Variants in SGCG observed in about 807,000 individuals in gnomAD.
SGCG encodes gamma-sarcoglycan.
A neutral mutation model predicts 29.3 loss-of-function variants in SGCG; 26 were observed. The observed-to-expected ratio is 0.89, with a 90% CI of 0.65 to 1.23. The LOEUF is 1.23. SGCG is among the 50% of genes most tolerant of loss of function. The pLI is 0.00. For synonymous variants in SGCG, 145 were observed against 129.7 expected (o/e 1.12, Z -0.80); for missense variants, 353 against 356.0 (o/e 0.99, Z 0.07).
chr13:23,322,587 C>T (rs1883076153), intron 7 of SGCG, among the ~76,000 whole-genome samples: 1 of 152,154 alleles, frequency 6.6e-6, no homozygotes, highest in Non-Finnish European at 1.5e-5. Context: ...TAGAGTCATT[C>T]TCAGGGATTG....
intron 1 of SGCG, among the ~76,000 whole-genome samples, chr13:23,199,115 A>G (rs1302587347): frequency 6.6e-6 from 1 of 152,108 alleles, no homozygotes; most frequent in East Asian, 1.9e-4. Context: ...CTCAAAAAAA[A>G]AAAAAAATTA....
intron 4 of SGCG, among the ~76,000 whole-genome samples, chr13:23,276,570 C>T (rs2137612590): frequency 6.6e-6 from 1 of 151,828 alleles, no homozygotes; most frequent in East Asian, 1.9e-4. Flanking sequence ...GTAGCTGGGA[C>T]TACAGGCGCA....
upstream of SGCG, among the ~76,000 whole-genome samples, chr13:23,180,315 T>C (rs998725143): frequency 6.7e-6 from 1 of 148,916 alleles, no homozygotes; most frequent in Non-Finnish European, 1.5e-5. Context: ...TAAGGTCACA[T>C]TTGTTACATT....
At chr13:23,231,818 C>T (rs769608635) in intron 2 of SGCG, among the ~76,000 whole-genome samples, 1 of 152,140 alleles carries the variant, frequency 6.6e-6, no homozygotes, top group Non-Finnish European at 1.5e-5. Context: ...GTGCATCACA[C>T]GTATAAAAGA....
intron 3 of SGCG, chr13:23,243,458 G>A (rs987336327): frequency 2.0e-5 from 3 of 152,226 alleles, no homozygotes; most frequent in Admixed American, 6.5e-5. Flanking sequence ...GACCAGAATT[G>A]TGTCCCGTGG....
intron 5 of SGCG, among the ~76,000 whole-genome samples, chr13:23,285,016 C>T (rs372749236): frequency 6.6e-5 from 10 of 152,202 alleles, no homozygotes; most frequent in East Asian, 5.8e-4. Context: ...AGATGCCAGG[C>T]GGAGCTCTCC....
intron 5 of SGCG, among the ~76,000 whole-genome samples, chr13:23,291,348 AG>A (rs1566034030): frequency 1.1e-5 from 1 of 90,792 alleles, no homozygotes; most frequent in South Asian, 5.5e-4. Context: ...TTTTCCACAA[AG>A]AAGAGGTATT....
At chr13:23,322,784 C>CG (rs1883099113) in intron 7 of SGCG, among the ~76,000 whole-genome samples, 1 of 112,644 alleles carries the variant, frequency 8.9e-6, no homozygotes, top group African/African-American at 3.4e-5. Flanking sequence ...CCCCCCCCCC[C>CG]CCCCCGCCAA....
chr13:23,225,535 T>C (rs1878860859), intron 2 of SGCG, among the ~76,000 whole-genome samples: 1 of 152,208 alleles, frequency 6.6e-6, no homozygotes, highest in Non-Finnish European at 1.5e-5. Context: ...AAACTTTCTC[T>C]GATTTGGCTT....
intron 2 of SGCG, among the ~76,000 whole-genome samples, chr13:23,207,727 C>T (rs377612625): frequency 9.2e-5 from 14 of 151,968 alleles, no homozygotes; most frequent in African/African-American, 2.7e-4. Flanking sequence ...ATCAGGGAAA[C>T]GCAAATCAAA....
intron 6 of SGCG, among the ~76,000 whole-genome samples, chr13:23,318,759 A>C (rs1472587577): frequency 2.0e-5 from 3 of 152,206 alleles, no homozygotes; most frequent in Admixed American, 6.5e-5. Flanking sequence ...GAAATAATGC[A>C]AAGGGTAAGA....
At chr13:23,313,533 G>C (rs574448393) in intron 6 of SGCG, among the ~76,000 whole-genome samples, 1 of 152,230 alleles carries the variant, frequency 6.6e-6, no homozygotes, top group African/African-American at 2.4e-5. Context: ...ATGTTTGACT[G>C]TTCATAGTCT....
intron 4 of SGCG, among the ~76,000 whole-genome samples, chr13:23,272,040 T>C (rs1275872354): frequency 6.6e-6 from 1 of 152,208 alleles, no homozygotes; most frequent in Non-Finnish European, 1.5e-5. Context: ...TTTTTATTAG[T>C]TGAGTTACTT....
At position 23,203,740 on chromosome 13, in the gene SGCG, G is replaced by C. The variant is rs546543109; in HGVS notation, c.46G>C (p.Glu16Gln). Residue 16 changes from glutamate to glutamine, a missense_variant, in exon 2 of 8, where the codon GAG (glutamate) becomes CAG (glutamine). Coordinates refer to ENST00000218867, the MANE Select transcript of SGCG (RefSeq NM_000231.3). The part of the protein sequence containing the change: ...YTTATEGICI[E>Q]RPENQYVYKI... The stretch of plus-strand genomic sequence containing the variant: ...TACAGCCACAGAAGGCATCTGCATA[G>C]AGAGGCCAGAGAATCAGTATGTCTA... The C allele has an allele frequency of 3.5e-5, 56 of 1,613,988 alleles. No homozygotes were observed. Among genetic ancestry groups the C allele is most frequent in the Non-Finnish European group, 4.6e-5 (54 of 1,179,878 alleles).
At chr13:23,167,402 C>A in the SGCG span, among the ~76,000 whole-genome samples, 1 of 152,146 alleles carries the variant, frequency 6.6e-6, no homozygotes, top group African/African-American at 2.4e-5. Flanking sequence ...GACTGATTTC[C>A]TTTCTTAGGG....
chr13:23,195,064 T>G (rs1197109870), intron 1 of SGCG, among the ~76,000 whole-genome samples: 1 of 152,118 alleles, frequency 6.6e-6, no homozygotes, highest in East Asian at 1.9e-4. Flanking sequence ...AGATTGAGGG[T>G]AGGTATAAAT....
intron 6 of SGCG, among the ~76,000 whole-genome samples, chr13:23,296,480 T>C (rs1401436519): frequency 6.6e-6 from 1 of 152,208 alleles, no homozygotes; most frequent in Non-Finnish European, 1.5e-5. Context: ...AGTTCAGTAG[T>C]CTTAAGTACA....
rs1566037547 is a variant in SGCG, at chr13:23,299,447, TATA to T, written c.578+3961_578+3963del. ...ATATATATATATATATATATATATA[TATA>T]TATATATTTTTTTTTTTTTTTTAGT... On this transcript the variant is annotated intron_variant, in intron 6 of 7. Transcript: ENST00000218867. Among the ~76,000 whole-genome samples, 101 of 26,336 alleles carry T rather than the reference TATA, an allele frequency of 3.8e-3. 8 individuals are homozygous for T. The highest frequency in any genetic ancestry group is 9.4e-3 in the African/African-American group (74 of 7,872). The allele number at this position is 26,336 out of a possible 152,430, so 17.3% of individuals were successfully genotyped here. A position where few individuals can be genotyped will look rare whatever the true frequency, so the allele number is the denominator to read the frequency against.
At chr13:23,277,697 C>CTTTT (rs879580838) in intron 4 of SGCG, among the ~76,000 whole-genome samples, 1 of 135,364 alleles carries the variant, frequency 7.4e-6, no homozygotes. Context: ...TCTCAACTTC[C>CTTTT]TTTTTTTTTT....
Sources: allele counts gnomAD v4.1 joint callset (sites outside exome capture counted in the v4.1 genomes callset), GRCh38; gene constraint gnomAD v4.1.1; transcripts MANE v1.5; gene names NCBI Gene and HGNC (gene_info 2026-07-23, HGNC 2026-07-21).